Variants in FARS2 observed in about 807,000 individuals in gnomAD.
The protein encoded by FARS2 is phenylalanine--tRNA ligase, mitochondrial.
FARS2 carries 40 observed loss-of-function variants against 46.4 expected under a neutral mutation model. That is an observed-to-expected ratio of 0.86 (90% CI 0.67 to 1.12). The LOEUF (loss-of-function observed/expected upper bound fraction) is 1.12. Among genes scored for constraint, FARS2 ranks in the 50% most tolerant of loss-of-function variants. FARS2 has a pLI of 0.00. For missense variants in FARS2, 513 were observed against 567.9 expected (o/e 0.90, Z 0.98); for synonymous variants, 234 against 214.9 (o/e 1.09, Z -0.78).
chr6:5,596,585 C>T (rs1774215105), intron 5 of FARS2, among the ~76,000 whole-genome samples: 1 of 152,304 alleles, frequency 6.6e-6, no homozygotes, highest in South Asian at 2.1e-4. Context: ...TTTGCTTGTT[C>T]ATAGCCTCAG....
intron 4 of FARS2, among the ~76,000 whole-genome samples, chr6:5,472,750 A>G (rs543002591): frequency 5.3e-5 from 8 of 152,274 alleles, no homozygotes; most frequent in Non-Finnish European, 1.2e-4. Context: ...CATGTCATGA[A>G]TCCCCTTATG....
At chr6:5,609,850 T>C (rs2150664372) in intron 5 of FARS2, 1 of 1,029,310 alleles carries the variant, frequency 9.7e-7, no homozygotes, top group Non-Finnish European at 1.5e-6. Context: ...TAGGTGATGT[T>C]CTTCAGTGTC....
rs1207103421 is a variant in FARS2 at position 5,652,671 on chromosome 6, T to C, written c.1217+39351T>C. On this transcript the variant is annotated intron_variant, in intron 6 of 6. Transcript: ENST00000274680. ...CAGGGGATTCTGTTGACAGAGACCT[T>C]TGATGAGCGCTTGTTACCGTCCGTG... Among the ~76,000 whole-genome samples the C allele has an allele frequency of 2.0e-5, 3 of 152,206 alleles. 1 individual carries two copies. Among genetic ancestry groups the C allele is most frequent in the Non-Finnish European group, 4.4e-5 (3 of 68,038 alleles).
At position 5,369,230 on chromosome 6, in the gene FARS2, T is replaced by G. The variant is rs192409192; in HGVS notation, c.612+48T>G. On this transcript the variant is annotated intron_variant, in intron 2 of 6. Transcript: ENST00000274680. Reference sequence around the variant, plus strand: ...TCGCTGAAGGATGTCATAGACATTTTATGTTGAGGTCACTAACATTTAGCT... The same window carrying G: ...TCGCTGAAGGATGTCATAGACATTTGATGTTGAGGTCACTAACATTTAGCT... 693 of 1,564,652 alleles carry G rather than the reference T, an allele frequency of 4.4e-4. 2 individuals are homozygous for G. The highest frequency in any genetic ancestry group is 1.5e-4 in the Non-Finnish European group (170 of 1,157,286).
At chr6:5,473,560 A>C (rs1354328275) in intron 4 of FARS2, among the ~76,000 whole-genome samples, 21 of 144,364 alleles carry the variant, frequency 1.5e-4, no homozygotes, top group African/African-American at 5.1e-4. Context: ...AAAAAAAACA[A>C]AAGAATACCC....
At chr6:5,621,267 T>C (rs1241155231) in intron 6 of FARS2, among the ~76,000 whole-genome samples, 1 of 151,944 alleles carries the variant, frequency 6.6e-6, no homozygotes, top group Non-Finnish European at 1.5e-5. Flanking sequence ...TTTTTTTTTT[T>C]TTAATAGAGA....
chr6:5,627,153 T>C (rs1427017796), intron 6 of FARS2, among the ~76,000 whole-genome samples: 1 of 152,246 alleles, frequency 6.6e-6, no homozygotes, highest in African/African-American at 2.4e-5. Context: ...TATAATCTTA[T>C]GGGACCATCA....
chr6:5,362,091 C>A (rs1758341220), intron 1 of FARS2, among the ~76,000 whole-genome samples: 2 of 152,200 alleles, frequency 1.3e-5, no homozygotes, highest in African/African-American at 4.8e-5. Context: ...GCTTCAGATA[C>A]CTTTCGAAAT....
intron 3 of FARS2, among the ~76,000 whole-genome samples, chr6:5,413,105 A>T (rs973431295): frequency 6.6e-6 from 1 of 152,154 alleles, no homozygotes; most frequent in Non-Finnish European, 1.5e-5. Context: ...GTGGGAAAAT[A>T]TATACTAGGG....
At chr6:5,410,331 T>C (rs891536790) in intron 3 of FARS2, among the ~76,000 whole-genome samples, 1 of 151,978 alleles carries the variant, frequency 6.6e-6, no homozygotes, top group Admixed American at 6.6e-5. Flanking sequence ...TTTTTTGTAT[T>C]TTGTATTTTT....
intron 4 of FARS2, among the ~76,000 whole-genome samples, chr6:5,534,859 G>GCACACACACACACTTGCACGCA (rs1554106124): frequency 1.3e-5 from 2 of 149,872 alleles, no homozygotes; most frequent in African/African-American, 2.5e-5. Flanking sequence ...ACTTGCACGC[G>GCACACACACACACTTGCACGCA]CACACACACA....
Position 5,545,165 on chromosome 6 carries a change from G to A in FARS2, c.905-15G>A. 3.1e-6 allele frequency: 5 copies of A among 1,613,256 alleles called. No individual in the cohort carries two copies. In the South Asian group the frequency reaches 3.3e-5, roughly 11 times the overall value. ...GATACTTTTTAAAAACAACTATTTT[G>A]TTTCCTAATCACAGCTGGTGCTCAA... On this transcript the variant is annotated splice_polypyrimidine_tract_variant and intron_variant, in intron 4 of 6. Coordinates refer to ENST00000274680, the MANE Select transcript of FARS2 (RefSeq NM_006567.5).
chr6:5,348,484 A>C (rs549009392), intron 1 of FARS2, among the ~76,000 whole-genome samples: 17 of 29,572 alleles, frequency 5.7e-4, no homozygotes, highest in East Asian at 3.7e-3. Context: ...TTACTTCCTT[A>C]CTTATTTATT....
Position 5,332,661 on chromosome 6 carries a change from T to C in FARS2, c.-21-35889T>C, listed in dbSNP as rs80040446. Among the ~76,000 whole-genome samples, 1,140 of 152,352 alleles carry C rather than the reference T, an allele frequency of 7.5e-3. 17 individuals are homozygous for C. The highest frequency in any genetic ancestry group is 0.026 in the African/African-American group (1,076 of 41,574). ...GTTAATACACCTGAAGGTATACACCTATTTATGTTGGATGTAAGATGTTAC... is the reference window on the plus strand; with the variant it reads ...GTTAATACACCTGAAGGTATACACCCATTTATGTTGGATGTAAGATGTTAC... On this transcript the variant is annotated intron_variant, in intron 1 of 6. Transcript: ENST00000274680.
intron 1 of FARS2, among the ~76,000 whole-genome samples, chr6:5,314,005 G>GTT (rs1184068548): frequency 1.4e-4 from 21 of 152,188 alleles, no homozygotes; most frequent in African/African-American, 4.3e-4. Flanking sequence ...GCAACATTTG[G>GTT]GCACCTCTGA....
intron 1 of FARS2, among the ~76,000 whole-genome samples, chr6:5,301,122 T>G (rs1173185302): frequency 6.6e-6 from 1 of 152,078 alleles, no homozygotes; most frequent in African/African-American, 2.4e-5. Context: ...TTTTTTCTAG[T>G]CTGTAGTCTT....
intron 6 of FARS2, among the ~76,000 whole-genome samples, chr6:5,631,474 G>T (rs1776290038): frequency 1.3e-5 from 2 of 152,170 alleles, no homozygotes; most frequent in South Asian, 2.1e-4. Flanking sequence ...CAAAATTCAA[G>T]GTCCCTCTAA....
intron 4 of FARS2, among the ~76,000 whole-genome samples, chr6:5,531,992 T>C (rs527524023): frequency 6.6e-6 from 1 of 152,290 alleles, no homozygotes; most frequent in South Asian, 2.1e-4. Flanking sequence ...ACTAGACCCA[T>C]CAGTTCACTC....
chr6:5,286,495 G>A (rs1581694902), intron 1 of FARS2, among the ~76,000 whole-genome samples: 1 of 152,164 alleles, frequency 6.6e-6, no homozygotes, highest in Admixed American at 6.5e-5. Flanking sequence ...CTGGGCTGAA[G>A]TGATTTGCCT....
Sources: gnomAD v4.1 joint callset for allele counts (sites outside exome capture counted in the v4.1 genomes callset) on GRCh38, gnomAD v4.1.1 for gene constraint, MANE v1.5 for transcripts, NCBI Gene and HGNC (gene_info 2026-07-23, HGNC 2026-07-21) for gene names.